Variants in USP28 observed in about 807,000 individuals in gnomAD.
The protein encoded by USP28 is ubiquitin carboxyl-terminal hydrolase 28.
USP28 carries 113 observed loss-of-function variants against 145.0 expected under a neutral mutation model. The ratio of observed to expected loss-of-function variants is 0.78; its 90% CI spans 0.67 to 0.91. The LOEUF is 0.91. Among genes scored for constraint, USP28 ranks in the 40% least tolerant of loss-of-function variants. The pLI is 0.00. For synonymous variants in USP28, 447 were observed against 450.9 expected (o/e 0.99, Z 0.11); for missense variants, 1,201 against 1,289.6 (o/e 0.93, Z 1.05).
intron 1 of USP28, among the ~76,000 whole-genome samples, chr11:113,865,281 T>G (rs561279040): frequency 4.6e-5 from 7 of 152,210 alleles, no homozygotes; most frequent in African/African-American, 1.7e-4. Flanking sequence ...CCAGAAAACC[T>G]GCTAGACAAA....
intron 3 of USP28, among the ~76,000 whole-genome samples, chr11:113,846,414 C>A (rs1028287354): frequency 1.3e-5 from 2 of 152,022 alleles, no homozygotes; most frequent in Non-Finnish European, 2.9e-5. Flanking sequence ...AAGCCAGTCA[C>A]AAAAAGACAA....
chr11:113,828,591 A>G (rs536836291), intron 10 of USP28, among the ~76,000 whole-genome samples: 89 of 152,346 alleles, frequency 5.8e-4, no homozygotes, highest in African/African-American at 2.0e-3. Flanking sequence ...TGTATGATCA[A>G]TGGAGAACAA....
chr11:113,840,847 T>C, intron 4 of USP28, 90 bp from the exon 5 acceptor site: 1 of 1,435,880 alleles, frequency 7.0e-7, no homozygotes, highest in East Asian at 2.4e-5. Context: ...TCGTGGATAA[T>C]TCAAAACACC....
intron 3 of USP28, among the ~76,000 whole-genome samples, chr11:113,850,974 C>T (rs1356827852): frequency 2.0e-5 from 3 of 152,214 alleles, no homozygotes; most frequent in African/African-American, 4.8e-5. Flanking sequence ...CTCAAATCTG[C>T]TCCACCTACA....
intron 1 of USP28, among the ~76,000 whole-genome samples, chr11:113,859,725 C>G (rs1049864404): frequency 6.6e-6 from 1 of 152,086 alleles, no homozygotes; most frequent in Non-Finnish European, 1.5e-5. Context: ...TTCACTCTAC[C>G]TTGCTATATG....
chr11:113,836,113 A>G (rs988755315), intron 5 of USP28, among the ~76,000 whole-genome samples: 1 of 152,106 alleles, frequency 6.6e-6, no homozygotes, highest in Non-Finnish European at 1.5e-5. Flanking sequence ...AAAAGAACAC[A>G]TTAAGTGTGA....
At chr11:113,841,620 C>G in intron 4 of USP28, 43 bp downstream of exon 4, 1 of 1,349,030 alleles carries the variant, frequency 7.4e-7, no homozygotes, top group Non-Finnish European at 1.0e-6. Context: ...CTTTGAGATA[C>G]ACACAAATGT....
chr11:113,861,274 G>A (rs1487877873), intron 1 of USP28, among the ~76,000 whole-genome samples: 1 of 152,066 alleles, frequency 6.6e-6, no homozygotes, highest in African/African-American at 2.4e-5. Flanking sequence ...ATTTATTCAT[G>A]GAATAGAAAC....
chr11:113,804,921 T>C (rs754624698), exon 20 of USP28: 33 of 1,614,132 alleles, frequency 2.0e-5, no homozygotes, highest in Non-Finnish European at 2.6e-5. Context: ...GGGTTCGTTC[T>C]ACTACCCTTT....
intron 1 of USP28, among the ~76,000 whole-genome samples, chr11:113,873,938 C>A (rs1269224153): frequency 7.0e-6 from 1 of 142,532 alleles, no homozygotes; most frequent in South Asian, 2.3e-4. Flanking sequence ...GTCAAGAGAC[C>A]GAGACCATCC....
At chr11:113,816,821 T>A (rs1185238378) in intron 13 of USP28, among the ~76,000 whole-genome samples, 1 of 152,126 alleles carries the variant, frequency 6.6e-6, no homozygotes, top group Non-Finnish European at 1.5e-5. Flanking sequence ...AATTAAAAAA[T>A]TTAAGTAGAA....
rs1942972564 is a variant in USP28 at position 113,823,753 on chromosome 11, A to G, written c.1188-53T>C. 3.5e-6 allele frequency: 5 copies of G among 1,415,418 alleles called. No individual in the cohort carries two copies. The African/African-American group carries it at 7.3e-5, about 21-fold the overall frequency. 87.7% of individuals were successfully genotyped at this position (1,415,418 alleles called of 1,614,324 possible). A position where few individuals can be genotyped will look rare whatever the true frequency, so the allele number is the denominator to read the frequency against. On this transcript the variant is annotated intron_variant, in intron 11 of 24. Transcript: ENST00000003302. The stretch of plus-strand genomic sequence containing the variant: ...TTATATTATAAAACATTAATGACAT[A>G]AAGTCTCAGTAAACTAAAGATTCAA...
intron 11 of USP28, among the ~76,000 whole-genome samples, chr11:113,824,165 A>T (rs1943029202): frequency 6.6e-6 from 1 of 152,222 alleles, no homozygotes; most frequent in South Asian, 2.1e-4. Context: ...AAATGAAATT[A>T]AAAGCAGGAA....
intron 9 of USP28, among the ~76,000 whole-genome samples, chr11:113,829,663 C>CA (rs1183274945): frequency 6.6e-6 from 1 of 151,894 alleles, no homozygotes; most frequent in Non-Finnish European, 1.5e-5. Context: ...CCTGTCTCTA[C>CA]AAAAAATAAA....
intron 1 of USP28, among the ~76,000 whole-genome samples, chr11:113,857,317 T>G (rs1947165457): frequency 6.6e-6 from 1 of 152,204 alleles, no homozygotes; most frequent in Admixed American, 6.5e-5. Context: ...ATAAAGCACT[T>G]GACTGTAGCT....
intron 3 of USP28, among the ~76,000 whole-genome samples, chr11:113,846,127 C>T (rs146917061): frequency 2.4e-4 from 36 of 152,116 alleles, no homozygotes; most frequent in South Asian, 6.2e-4. Flanking sequence ...TCTACTTATA[C>T]GAGGTTCTTA....
In USP28 at chr11:113,863,721, G is replaced by C. The variant is rs531926055; in HGVS notation, c.58-9386C>G. ...AGCACTTTGGGAGGCTGAGGCGGCCGGATCACAAGGTCAGGAGATCGAGAC... is the reference window on the plus strand; with the variant it reads ...AGCACTTTGGGAGGCTGAGGCGGCCCGATCACAAGGTCAGGAGATCGAGAC... On this transcript the variant is annotated intron_variant, in intron 1 of 24. Coordinates refer to ENST00000003302, the Ensembl canonical transcript of USP28. Among the ~76,000 whole-genome samples, 6 of 151,674 alleles carry C rather than the reference G, an allele frequency of 4.0e-5. No individual in the cohort carries two copies. In the East Asian group the frequency reaches 1.2e-3, roughly 30 times the overall value.
chr11:113,863,301 C>T (rs1276238216), intron 1 of USP28, among the ~76,000 whole-genome samples: 1 of 152,082 alleles, frequency 6.6e-6, no homozygotes, highest in Non-Finnish European at 1.5e-5. Context: ...GAATAAAATA[C>T]TTAGGAATAA....
chr11:113,811,686 T>A (rs545837129), intron 16 of USP28, among the ~76,000 whole-genome samples: 3 of 148,310 alleles, frequency 2.0e-5, no homozygotes, highest in East Asian at 4.0e-4. Context: ...AGACTATGTC[T>A]CAAAAAAAAA....
Sources: allele counts gnomAD v4.1 joint callset (sites outside exome capture counted in the v4.1 genomes callset), GRCh38; gene constraint gnomAD v4.1.1; transcripts MANE v1.5; gene names NCBI Gene and HGNC (gene_info 2026-07-23, HGNC 2026-07-21).